Variants in HDGFL2 observed in about 807,000 individuals in gnomAD.
HDGFL2 encodes the protein hepatoma-derived growth factor-related protein 2.
HDGFL2 carries 36 observed loss-of-function variants against 77.1 expected under a neutral mutation model. The observed-to-expected ratio is 0.47, with a 90% CI of 0.36 to 0.62. The LOEUF (loss-of-function observed/expected upper bound fraction) is 0.62. Ranked by LOEUF, HDGFL2 falls within the 20% of genes least tolerant of loss-of-function variation. The pLI is 0.00. For missense variants in HDGFL2, 976 were observed against 973.4 expected, an observed-to-expected ratio of 1.00 and a Z score of -0.04; for synonymous variants, 463 against 413.1, an observed-to-expected ratio of 1.12 and a Z score of -1.46.
Position 4,496,282 on chromosome 19 carries a change from G to C in HDGFL2, c.1225-20G>C, listed in dbSNP as rs760706675. ...TCCCCTCTTCCCACTGCTCCAGCGC[G>C]CCCTTCCTGACTGCTATAGGCCAAG... On this transcript the variant is annotated intron_variant, in intron 9 of 15. Coordinates refer to ENST00000616600, the MANE Select transcript of HDGFL2 (RefSeq NM_001001520.3). 6.2e-7 allele frequency: 1 copy of C among 1,605,518 alleles called. No individual in the cohort carries two copies. Among genetic ancestry groups the C allele is most frequent in the South Asian group, 1.1e-5 (1 of 90,888 alleles).
Position 4,493,786 on chromosome 19 carries a change from GTCCTCCTCCTCCTCTTCC to G in HDGFL2, c.775_792del (p.Ser259_Ser264del). The G allele has an allele frequency of 6.5e-7, 1 of 1,543,158 alleles. No individual in the cohort carries two copies. The highest frequency in any genetic ancestry group is 8.8e-7 in the Non-Finnish European group (1 of 1,141,292). On this transcript the variant is annotated inframe_deletion, in exon 7 of 16. Coordinates refer to ENST00000616600, the MANE Select transcript of HDGFL2 (RefSeq NM_001001520.3). ...AGCCGGTGGCCATGGCGCGGTCGGC[GTCCTCCTCCTCCTCTTCC>G]TCCTCCTCCTCCGACTCCGATGTGT...
chr19:4,475,622 A>T, intron 3 of HDGFL2, 39 bp downstream of exon 3: 1 of 1,535,990 alleles, frequency 6.5e-7, no homozygotes, highest in South Asian at 1.3e-5. Context: ...GAAGCGCGCT[A>T]CTGATGCAAG....
At chr19:4,478,421 T>G (rs950136091) in intron 3 of HDGFL2, among the ~76,000 whole-genome samples, 6 of 151,968 alleles carry the variant, frequency 3.9e-5, no homozygotes, top group African/African-American at 1.4e-4. Flanking sequence ...AGGCTGGTCT[T>G]GAACTCCTGA....
chr19:4,500,367 A>G (rs1975829287), intron 14 of HDGFL2, among the ~76,000 whole-genome samples: 1 of 151,790 alleles, frequency 6.6e-6, no homozygotes, highest in Admixed American at 6.6e-5. Flanking sequence ...GCTCACTGCA[A>G]CCTTGACTTC....
chr19:4,497,558 C>T (rs918503146), intron 10 of HDGFL2: 18 of 301,524 alleles, frequency 6.0e-5, no homozygotes, highest in Non-Finnish European at 9.5e-5. Flanking sequence ...TTCGGCAGGC[C>T]GGTATGGCAG....
intron 13 of HDGFL2, 122 bp downstream of exon 13, chr19:4,499,037 T>G (rs1054901692): frequency 7.6e-6 from 5 of 661,702 alleles, no homozygotes; most frequent in Admixed American, 2.2e-5. Context: ...GAGGAGGCCG[T>G]GGGCTGCTGG....
rs781467061 is a variant in HDGFL2, at chr19:4,498,838, C to T, written c.1498C>T (p.Leu500=). ...GGACGTGAAGAGGTGCCTGAATGCC[C>T]TAGAGGAGCTGGGAACCCTGCAGGT... The part of the protein sequence containing the change: ...SPDVKRCLNA[L]EELGTLQVTS... The change falls in exon 13 of 16, where the codon CTA becomes TTA. Residue 500 remains leucine, a synonymous_variant. Transcript: ENST00000616600. 7 of 1,610,752 alleles carry T rather than the reference C, an allele frequency of 4.3e-6. No homozygotes were observed. In the Admixed American group the frequency reaches 1.0e-4, roughly 23 times the overall value.
chr19:4,497,530 C>G (rs1462272651), intron 10 of HDGFL2: 13 of 300,890 alleles, frequency 4.3e-5, no homozygotes, highest in Non-Finnish European at 8.3e-5. Flanking sequence ...CTTGAGTGGG[C>G]AAACCTGCCC....
chr19:4,483,787 AT>A (rs5826851), intron 3 of HDGFL2, among the ~76,000 whole-genome samples: 38,274 of 100,168 alleles, frequency 0.38, 4,753 homozygotes, highest in African/African-American at 0.44. Flanking sequence ...TTGTTTCATG[AT>A]TTTTTTTTTT....
At chr19:4,498,743 C>A (rs899842658) in intron 12 of HDGFL2, 71 bp from the exon 13 acceptor site, 7 of 993,202 alleles carry the variant, frequency 7.0e-6, no homozygotes, top group Non-Finnish European at 1.1e-5. Context: ...CTTCCTCCAC[C>A]CATCGGGGCC....
chr19:4,500,609 C>G (rs1261748557), intron 14 of HDGFL2, among the ~76,000 whole-genome samples: 1 of 151,914 alleles, frequency 6.6e-6, no homozygotes, highest in Non-Finnish European at 1.5e-5. Flanking sequence ...TACAGGCACC[C>G]AACACCACAC....
At chr19:4,501,122 G>C in intron 14 of HDGFL2, 69 bp from the exon 15 acceptor site, 67 of 1,599,374 alleles carry the variant, frequency 4.2e-5, no homozygotes, top group Non-Finnish European at 5.7e-5. Flanking sequence ...TCCAGTCCTT[G>C]ACAGGCAAGG....
chr19:4,483,787 ATTTTT>A (rs5826851), intron 3 of HDGFL2, among the ~76,000 whole-genome samples: 19 of 100,520 alleles, frequency 1.9e-4, no homozygotes, highest in African/African-American at 7.8e-4. Flanking sequence ...TTGTTTCATG[ATTTTT>A]TTTTTTTTTT....
At chr19:4,501,434 T>G (rs1403936134) in intron 15 of HDGFL2, 117 bp downstream of exon 15, 1 of 1,264,514 alleles carries the variant, frequency 7.9e-7, no homozygotes. Context: ...AGGGATGTCG[T>G]CCTTACTCGG....
At chr19:4,490,404 G>A (rs1400819559) in intron 4 of HDGFL2, among the ~76,000 whole-genome samples, 7 of 152,142 alleles carry the variant, frequency 4.6e-5, no homozygotes, top group Admixed American at 2.0e-4. Context: ...CCTTTTCCTG[G>A]CCGGGTCAGA....
At chr19:4,482,947 C>G (rs887518884) in intron 3 of HDGFL2, among the ~76,000 whole-genome samples, 2 of 152,032 alleles carry the variant, frequency 1.3e-5, no homozygotes, top group Non-Finnish European at 2.9e-5. Flanking sequence ...CAGGAAGGAG[C>G]CCGGGGCTCC....
In HDGFL2 at chr19:4,499,836, T is replaced by C. The variant is rs1437622875; in HGVS notation, c.1789+132T>C. ...AACCTGCCAGAGTGTCATGTCCTGT[T>C]GGGGTCTCCGTGCAGACCCGGCTTT... On this transcript the variant is annotated intron_variant, in intron 14 of 15. Coordinates refer to ENST00000616600, the MANE Select transcript of HDGFL2 (RefSeq NM_001001520.3). 14 of 778,472 alleles carry C rather than the reference T, an allele frequency of 1.8e-5. 1 individual carries two copies. In the African/African-American group the frequency reaches 2.3e-4, roughly 13 times the overall value. The allele number at this position is 778,472 out of a possible 1,614,324, so 48.2% of individuals were successfully genotyped here. A position where few individuals can be genotyped will look rare whatever the true frequency, so the allele number is the denominator to read the frequency against.
intron 1 of HDGFL2, among the ~76,000 whole-genome samples, chr19:4,473,272 G>A (rs1974991871): frequency 6.7e-6 from 1 of 150,324 alleles, no homozygotes; most frequent in African/African-American, 2.5e-5. Flanking sequence ...CTGGGCCTGA[G>A]GAAGCTGCGC....
intron 9 of HDGFL2, 41 bp from the exon 10 acceptor site, chr19:4,496,261 C>T: frequency 6.5e-7 from 1 of 1,545,678 alleles, no homozygotes; most frequent in Non-Finnish European, 8.9e-7. Context: ...GGGTAATCCC[C>T]TCTTCCCACT....
Sources: gnomAD v4.1 joint callset for allele counts (sites outside exome capture counted in the v4.1 genomes callset) on GRCh38, gnomAD v4.1.1 for gene constraint, MANE v1.5 for transcripts, NCBI Gene and HGNC (gene_info 2026-07-23, HGNC 2026-07-21) for gene names.